Variants in TCERG1L observed in about 807,000 individuals in gnomAD.
TCERG1L encodes transcription elongation regulator 1 like, also known as transcription elongation regulator 1-like protein.
In TCERG1L, 37 loss-of-function variants were observed where a neutral mutation model predicts 56.3. That is an observed-to-expected ratio of 0.66 (90% CI 0.51 to 0.87). The LOEUF (loss-of-function observed/expected upper bound fraction) is 0.87. Among genes scored for constraint, TCERG1L ranks in the 40% least tolerant of loss-of-function variants. TCERG1L has a pLI of 0.00. For missense variants in TCERG1L, 799 were observed against 774.2 expected, an observed-to-expected ratio of 1.03 and a Z score of -0.38; for synonymous variants, 324 against 326.3, an observed-to-expected ratio of 0.99 and a Z score of 0.08.
chr10:131,309,023 A>G, intron 2 of TCERG1L, 130 bp downstream of exon 2: 3 of 1,049,178 alleles, frequency 2.9e-6, no homozygotes, highest in Non-Finnish European at 4.0e-6. Flanking sequence ...TCCTGAAATG[A>G]TTTATTTCTA....
chr10:131,253,407 G>A (rs183370013), intron 4 of TCERG1L, among the ~76,000 whole-genome samples: 44 of 152,212 alleles, frequency 2.9e-4, no homozygotes, highest in African/African-American at 9.9e-4. Context: ...TAATGGAATC[G>A]GTTGCCCAGA....
At chr10:131,131,381 A>G (rs1348775956) in intron 8 of TCERG1L, among the ~76,000 whole-genome samples, 1 of 152,226 alleles carries the variant, frequency 6.6e-6, no homozygotes, top group Non-Finnish European at 1.5e-5. Flanking sequence ...GAAAAGACCC[A>G]TTCATCAGAA....
chr10:131,303,982 C>A (rs1176504898), intron 3 of TCERG1L, among the ~76,000 whole-genome samples: 1 of 151,982 alleles, frequency 6.6e-6, no homozygotes, highest in Non-Finnish European at 1.5e-5. Flanking sequence ...GAAAATGAAT[C>A]TTTGATGAAG....
At chr10:131,265,183 G>C (rs1846273154) in intron 3 of TCERG1L, among the ~76,000 whole-genome samples, 1 of 152,208 alleles carries the variant, frequency 6.6e-6, no homozygotes, top group African/African-American at 2.4e-5. Context: ...AGAGTGGTTT[G>C]TATATGGAAG....
At chr10:131,166,140 A>C (rs542156470) in intron 5 of TCERG1L, among the ~76,000 whole-genome samples, 2 of 152,374 alleles carry the variant, frequency 1.3e-5, no homozygotes, top group South Asian at 4.1e-4. Context: ...GGAGAGACGG[A>C]AGCAAAACCA....
chr10:131,112,392 CCT>C (rs1354749325), intron 9 of TCERG1L, among the ~76,000 whole-genome samples: 11 of 142,806 alleles, frequency 7.7e-5, no homozygotes, highest in African/African-American at 2.7e-4. Context: ...ACTTTCTCCC[CCT>C]GTCCCCCAGG....
intron 3 of TCERG1L, among the ~76,000 whole-genome samples, chr10:131,285,492 GAA>G (rs1340425583): frequency 0.023 from 408 of 17,576 alleles, 7 homozygotes; most frequent in African/African-American, 0.038. Context: ...AAGAAAGAAA[GAA>G]AGAAAGAAAG....
chr10:131,203,270 G>A (rs148731028), intron 4 of TCERG1L, among the ~76,000 whole-genome samples: 35 of 142,676 alleles, frequency 2.5e-4, no homozygotes, highest in African/African-American at 8.6e-4. Context: ...CTTCCAGTAC[G>A]TCCCACTGCA....
intron 4 of TCERG1L, among the ~76,000 whole-genome samples, chr10:131,193,318 A>G (rs993973219): frequency 6.6e-6 from 1 of 152,172 alleles, no homozygotes; most frequent in African/African-American, 2.4e-5. Flanking sequence ...TTGTCTGTTC[A>G]CTACGTTGAC....
At chr10:131,251,480 G>A (rs1846110973) in intron 4 of TCERG1L, among the ~76,000 whole-genome samples, 1 of 152,130 alleles carries the variant, frequency 6.6e-6, no homozygotes, top group Non-Finnish European at 1.5e-5. Flanking sequence ...CATGCCCTTT[G>A]CACCAGCCAC....
chr10:131,196,571 A>T (rs1312846147), intron 4 of TCERG1L, among the ~76,000 whole-genome samples: 1 of 151,770 alleles, frequency 6.6e-6, no homozygotes, highest in Admixed American at 6.6e-5. Flanking sequence ...TGTCCTGAAA[A>T]CTCTATGATC....
chr10:131,181,788 T>C (rs12355202), intron 4 of TCERG1L, among the ~76,000 whole-genome samples: 70,450 of 152,202 alleles, frequency 0.46, 19,507 homozygotes, highest in South Asian at 0.69. Flanking sequence ...AAAATGCACT[T>C]GTTCATCCAG....
intron 4 of TCERG1L, among the ~76,000 whole-genome samples, chr10:131,224,156 C>T (rs538589401): frequency 2.6e-4 from 39 of 152,272 alleles, no homozygotes; most frequent in African/African-American, 8.2e-4. Context: ...TATCCCCCTT[C>T]TTCCCAGCTG....
chr10:131,143,398 A>G (rs1845758887), intron 7 of TCERG1L, among the ~76,000 whole-genome samples: 1 of 152,100 alleles, frequency 6.6e-6, no homozygotes, highest in South Asian at 2.1e-4. Flanking sequence ...AGGCCAGGGT[A>G]TGTATTCCCT....
chr10:131,296,670 TG>T (rs1846694023), intron 3 of TCERG1L, among the ~76,000 whole-genome samples: 1 of 152,234 alleles, frequency 6.6e-6, no homozygotes, highest in Non-Finnish European at 1.5e-5. Flanking sequence ...ACTGGGATTT[TG>T]TTTAGGGTTG....
intron 4 of TCERG1L, among the ~76,000 whole-genome samples, chr10:131,212,960 C>T (rs898462519): frequency 2.0e-5 from 3 of 152,226 alleles, no homozygotes; most frequent in Admixed American, 6.5e-5. Context: ...CCCACAGCTG[C>T]GGATTGACCT....
chr10:131,260,331 A>T lies in TCERG1L; in HGVS notation c.784T>A (p.Ser262Thr). 2.0e-6 allele frequency: 3 copies of T among 1,470,660 alleles called. No homozygotes were observed. Among genetic ancestry groups the T allele is most frequent in the Non-Finnish European group, 2.7e-6 (3 of 1,117,184 alleles). 91.1% of individuals were successfully genotyped at this position (1,470,660 alleles called of 1,614,324 possible). Residue 262 changes from serine to threonine, a missense_variant, in exon 4 of 12, where the codon TCC becomes ACC. Transcript: ENST00000368642. The surrounding 1 kb of genome is among the most constrained non-coding windows in gnomAD (Gnocchi z 5.8). The stretch of plus-strand genomic sequence containing the variant: ...AGGAAGTGGCGCGGCTGCACGCTGG[A>T]GGGGGACGGGCCCCGGAGGTTCTCA... ...DPENLRGPSPSSVQPRHFLTL... is the reference protein window; with the variant it reads ...DPENLRGPSPTSVQPRHFLTL...
chr10:131,098,778 G>C (rs948652600), intron 10 of TCERG1L, among the ~76,000 whole-genome samples: 1 of 152,196 alleles, frequency 6.6e-6, no homozygotes, highest in African/African-American at 2.4e-5. Flanking sequence ...GGCTGCAGTG[G>C]TCCTCACTGT....
rs565261409 is a variant in TCERG1L at position 131,103,118 on chromosome 10, C to A, written c.1485+1147G>T. On this transcript the variant is annotated intron_variant, in intron 10 of 11. Coordinates refer to ENST00000368642, the MANE Select transcript of TCERG1L (RefSeq NM_174937.4). The surrounding 1 kb of genome is among the most constrained non-coding windows in gnomAD (Gnocchi z 4.3). The stretch of plus-strand genomic sequence containing the variant: ...CTATTTCATCACTATTATTGTCAAC[C>A]TGAAGAACAAGCAGAAAGAGGCTCT... 1.4e-3 allele frequency among the ~76,000 whole-genome samples: 219 copies of A among 151,730 alleles called. No homozygotes were observed. Among genetic ancestry groups the A allele is most frequent in the African/African-American group, 4.8e-3 (197 of 41,382 alleles).
Sources: allele counts gnomAD v4.1 joint callset (sites outside exome capture counted in the v4.1 genomes callset), GRCh38; gene constraint gnomAD v4.1.1; non-coding constraint Gnocchi (gnomAD v3.1); transcripts MANE v1.5; gene names NCBI Gene and HGNC (gene_info 2026-07-23, HGNC 2026-07-21).